PLB1: variants seen among roughly 807,000 people sequenced by gnomAD.
The protein encoded by PLB1 is phospholipase B1, also known as phospholipase B1, membrane-associated.
Under a neutral mutation model 227.4 loss-of-function variants are expected in PLB1, and 242 were observed. The ratio of observed to expected loss-of-function variants is 1.06; its 90% CI spans 0.96 to 1.18. The LOEUF (loss-of-function observed/expected upper bound fraction) is 1.18, where lower values mean the gene tolerates loss of function less well. Ranked by LOEUF, PLB1 falls within the 50% of genes most tolerant of loss-of-function variation. The pLI is 0.00. For synonymous variants in PLB1, 757 were observed against 682.2 expected (o/e 1.11, Z -1.71); for missense variants, 1,858 against 1,816.3 (o/e 1.02, Z -0.42).
intron 45 of PLB1, 100 bp from the exon 46 acceptor site, chr2:28,618,241 G>A: frequency 9.2e-7 from 1 of 1,084,088 alleles, no homozygotes; most frequent in Non-Finnish European, 1.4e-6. Context: ...AAGTACAATG[G>A]GGAGCAGTGG....
chr2:28,604,168 G>A (rs1050985726), intron 40 of PLB1, 121 bp downstream of exon 40: 54 of 933,152 alleles, frequency 5.8e-5, no homozygotes, highest in Admixed American at 2.1e-4. Context: ...GTGGGGAGAC[G>A]GGGAGCAGCC....
At chr2:28,519,788 C>T (rs755158858) in intron 4 of PLB1, 25 bp downstream of exon 4, 1 of 1,592,042 alleles carries the variant, frequency 6.3e-7, no homozygotes, top group South Asian at 1.1e-5. Flanking sequence ...TAGCTTGGGG[C>T]AGGAGACAGA....
In PLB1 at chr2:28,626,458, G is replaced by T. The variant is rs75256764; in HGVS notation, c.3610G>T (p.Val1204Phe). The T allele has an allele frequency of 1.8e-5, 29 of 1,614,160 alleles. No homozygotes were observed. In the African/African-American group the frequency reaches 3.7e-4, roughly 21 times the overall value. The change falls in exon 51 of 58, where the codon GTC (valine) becomes TTC (phenylalanine). Residue 1204 changes from valine to phenylalanine, a missense_variant. Coordinates refer to ENST00000327757, the MANE Select transcript of PLB1 (RefSeq NM_153021.5). ...CAACCTGGAGAAAGACTGGAAGCTG[G>T]TCACACTCTTCATTGGGGTCAACGA... is the stretch of plus-strand genomic sequence containing the variant. ...DINLEKDWKL[V>F]TLFIGVNDLC...
chr2:28,516,190 T>TA (rs1172304589), intron 1 of PLB1, among the ~76,000 whole-genome samples: 1 of 152,206 alleles, frequency 6.6e-6, no homozygotes, highest in African/African-American at 2.4e-5. Context: ...TTTTAAAAAG[T>TA]AAAAAATAAT....
chr2:28,606,292 A>G (rs751677854), intron 42 of PLB1, among the ~76,000 whole-genome samples: 1 of 152,196 alleles, frequency 6.6e-6, no homozygotes, highest in African/African-American at 2.4e-5. Flanking sequence ...GAGAAGCATG[A>G]CGAGTCTCCA....
Position 28,643,114 on chromosome 2 carries a change from C to T in PLB1, c.*53C>T. The T allele has an allele frequency of 6.8e-7, 1 of 1,464,894 alleles. No individual in the cohort carries two copies. The highest frequency in any genetic ancestry group is 9.1e-7 in the Non-Finnish European group (1 of 1,093,344). 90.7% of individuals were successfully genotyped at this position (1,464,894 alleles called of 1,614,324 possible). A position where few individuals can be genotyped will look rare whatever the true frequency, so the allele number is the denominator to read the frequency against. The stretch of plus-strand genomic sequence containing the variant: ...TCCCTATAGCCACTCTCTTCACCGC[C>T]CTCTGCCCCAGCCACTCCCGGCCAC... On this transcript the variant is annotated 3_prime_UTR_variant, in exon 58 of 58. Transcript: ENST00000327757.
chr2:28,611,912 G>A (rs1354937575), intron 43 of PLB1, among the ~76,000 whole-genome samples: 1 of 150,752 alleles, frequency 6.6e-6, no homozygotes, highest in African/African-American at 2.4e-5. Context: ...AGGCTGAGGC[G>A]GGCGGATCAC....
At chr2:28,615,773 G>T (rs1686117336) in intron 44 of PLB1, among the ~76,000 whole-genome samples, 1 of 152,200 alleles carries the variant, frequency 6.6e-6, no homozygotes, top group African/African-American at 2.4e-5. Context: ...GAGCCGAATG[G>T]GTCTGGATCT....
intron 56 of PLB1, among the ~76,000 whole-genome samples, chr2:28,634,320 T>G (rs1041972230): frequency 6.6e-6 from 1 of 152,218 alleles, no homozygotes; most frequent in African/African-American, 2.4e-5. Flanking sequence ...TGGATTTTGT[T>G]TTGAAGGCGG....
chr2:28,551,632 G>T (rs1390009213), intron 16 of PLB1, among the ~76,000 whole-genome samples: 1 of 152,214 alleles, frequency 6.6e-6, no homozygotes. Flanking sequence ...AAAGTAACCA[G>T]CTCTGGGTTC....
intron 9 of PLB1, 116 bp from the exon 10 acceptor site, chr2:28,538,202 GA>G: frequency 8.3e-7 from 1 of 1,198,562 alleles, no homozygotes. Context: ...GCCAGGTCTA[GA>G]TGGTGCCTTT....
chr2:28,507,115 A>T (rs1031017007), intron 1 of PLB1, among the ~76,000 whole-genome samples: 1 of 152,086 alleles, frequency 6.6e-6, no homozygotes, highest in African/African-American at 2.4e-5. Flanking sequence ...GCTGCTGCTG[A>T]TTGTGGAAGA....
chr2:28,625,927 A>C (rs538252330), intron 50 of PLB1, among the ~76,000 whole-genome samples: 80 of 151,916 alleles, frequency 5.3e-4, no homozygotes, highest in African/African-American at 1.3e-3. Context: ...CAAAAAAAAA[A>C]AACATCCTCT....
At chr2:28,632,827 G>T (rs1205547475) in intron 55 of PLB1, 117 bp from the exon 56 acceptor site, 6 of 709,342 alleles carry the variant, frequency 8.5e-6, no homozygotes, top group Non-Finnish European at 1.5e-5. Flanking sequence ...GAGCAAGTTG[G>T]CAGGAAAGTT....
At chr2:28,600,638 G>A (rs1295132623) in intron 35 of PLB1, among the ~76,000 whole-genome samples, 171 bp from the exon 36 acceptor site, 5 of 152,194 alleles carry the variant, frequency 3.3e-5, no homozygotes. Context: ...ATGATTATCT[G>A]TTGTAATAAC....
At chr2:28,601,141 C>T (rs778854636) in intron 36 of PLB1, 111 bp from the exon 37 acceptor site, 12 of 920,144 alleles carry the variant, frequency 1.3e-5, no homozygotes, top group Non-Finnish European at 1.9e-5. Flanking sequence ...ATGCTGATTC[C>T]ATTATTTCAA....
chr2:28,591,896 C>T (rs764376456), intron 31 of PLB1, 136 bp downstream of exon 31: 3 of 859,434 alleles, frequency 3.5e-6, no homozygotes, highest in Non-Finnish European at 3.7e-6. Flanking sequence ...TGGGTGGTCA[C>T]CTGGGATGAG....
chr2:28,520,228 G>A (rs1669341525), intron 4 of PLB1, among the ~76,000 whole-genome samples: 2 of 64,814 alleles, frequency 3.1e-5, no homozygotes, highest in South Asian at 7.8e-4. Context: ...GCGCCCAGCC[G>A]AATCTTTTTT....
intron 56 of PLB1, 82 bp from the exon 57 acceptor site, chr2:28,640,845 G>T: frequency 2.8e-6 from 4 of 1,405,728 alleles, no homozygotes; most frequent in African/African-American, 2.9e-5. Context: ...CGAGGGAGGG[G>T]CTCTGGTGTG....
Sources: gnomAD v4.1 joint callset for allele counts (sites outside exome capture counted in the v4.1 genomes callset) on GRCh38, gnomAD v4.1.1 for gene constraint, MANE v1.5 for transcripts, NCBI Gene and HGNC (gene_info 2026-07-23, HGNC 2026-07-21) for gene names.